Variants in CDH8 observed in about 807,000 individuals in gnomAD.
CDH8 encodes the protein cadherin-8.
In CDH8, 17 loss-of-function variants were observed where a neutral mutation model predicts 68.1. That is an observed-to-expected ratio of 0.25 (90% CI 0.17 to 0.37). CDH8 has a LOEUF of 0.37. CDH8 is among the 10% of genes least tolerant of loss of function. The pLI, the probability that CDH8 is intolerant of heterozygous loss-of-function variation, is 1.00. For synonymous variants in CDH8, 372 were observed against 365.1 expected, an observed-to-expected ratio of 1.02 and a Z score of -0.21; for missense variants, 763 against 999.3, an observed-to-expected ratio of 0.76 and a Z score of 3.19.
intron 7 of CDH8, among the ~76,000 whole-genome samples, chr16:61,813,653 C>T (rs1478586397): frequency 6.6e-6 from 1 of 152,120 alleles, no homozygotes; most frequent in Non-Finnish European, 1.5e-5. Flanking sequence ...AGCCTGTTAG[C>T]ATGACTCTTA....
At chr16:61,779,425 A>ATGTGTG (rs10539934) in intron 8 of CDH8, among the ~76,000 whole-genome samples, 44,343 of 138,674 alleles carry the variant, frequency 0.32, 7,443 homozygotes, top group Non-Finnish European at 0.38. Flanking sequence ...ATGTTCGTTT[A>ATGTGTG]TGTGTGTGTG....
chr16:62,005,420 G>A (rs1965958520), intron 2 of CDH8, among the ~76,000 whole-genome samples: 1 of 152,112 alleles, frequency 6.6e-6, no homozygotes, highest in African/African-American at 2.4e-5. Flanking sequence ...GGCAGTACAG[G>A]CTTTTGAAAA....
chr16:61,854,964 A>T (rs1963013930), intron 4 of CDH8, among the ~76,000 whole-genome samples: 1 of 152,160 alleles, frequency 6.6e-6, no homozygotes, highest in South Asian at 2.1e-4. Context: ...ATACATATTT[A>T]TGTTTCATCT....
intron 8 of CDH8, among the ~76,000 whole-genome samples, chr16:61,748,840 C>T (rs753264575): frequency 1.3e-5 from 2 of 152,048 alleles, no homozygotes; most frequent in Non-Finnish European, 2.9e-5. Context: ...TGCAGGGAAA[C>T]TTTATCTACT....
At position 61,652,849 on chromosome 16, in the gene CDH8, T is replaced by C. The variant is rs1440399781; in HGVS notation, c.*759A>G. Reference sequence around the variant, plus strand: ...GTCCACTGTGTGATACAGTTTATCTTTGTGTCCTTGTGGAAGAAGATGAAG... The same window carrying C: ...GTCCACTGTGTGATACAGTTTATCTCTGTGTCCTTGTGGAAGAAGATGAAG... On this transcript the variant is annotated 3_prime_UTR_variant, in exon 12 of 12. Transcript: ENST00000577390. 8 of 1,523,406 alleles carry C rather than the reference T, an allele frequency of 5.3e-6. No individual in the cohort carries two copies. The highest frequency in any genetic ancestry group is 7.0e-6 in the Non-Finnish European group (8 of 1,140,776). The allele number at this position is 1,523,406 out of a possible 1,614,324, so 94.4% of individuals were successfully genotyped here. A position where few individuals can be genotyped will look rare whatever the true frequency, so the allele number is the denominator to read the frequency against.
At chr16:61,789,310 C>G in intron 8 of CDH8, 36 bp downstream of exon 8, 3 of 1,589,412 alleles carry the variant, frequency 1.9e-6, no homozygotes, top group Non-Finnish European at 2.6e-6. Flanking sequence ...TGAACTCAGT[C>G]ACACAAGGAA....
At chr16:61,778,781 G>A (rs915283000) in intron 8 of CDH8, among the ~76,000 whole-genome samples, 1 of 152,098 alleles carries the variant, frequency 6.6e-6, no homozygotes, top group Non-Finnish European at 1.5e-5. Context: ...CCAAAATGTG[G>A]CAAGGACTCC....
chr16:61,808,588 A>G (rs1410846038), intron 7 of CDH8, among the ~76,000 whole-genome samples: 1 of 152,214 alleles, frequency 6.6e-6, no homozygotes, highest in Non-Finnish European at 1.5e-5. Flanking sequence ...GATGGCAATA[A>G]CAATTCTCAT....
chr16:61,976,567 GTT>G (rs1266508006), intron 2 of CDH8, among the ~76,000 whole-genome samples: 1 of 152,126 alleles, frequency 6.6e-6, no homozygotes, highest in African/African-American at 2.4e-5. Flanking sequence ...CTCTATGCTA[GTT>G]TTTAACAGAC....
intron 10 of CDH8, among the ~76,000 whole-genome samples, chr16:61,698,606 C>T (rs909828719): frequency 2.0e-5 from 3 of 152,154 alleles, no homozygotes; most frequent in African/African-American, 7.2e-5. Flanking sequence ...AGACTCATTG[C>T]AATATGAGTG....
chr16:61,888,068 C>G (rs1166284691), intron 3 of CDH8, among the ~76,000 whole-genome samples: 2 of 152,132 alleles, frequency 1.3e-5, no homozygotes, highest in African/African-American at 4.8e-5. Context: ...GAAGTGAGAG[C>G]AAGACATCAG....
intron 1 of CDH8, among the ~76,000 whole-genome samples, chr16:62,025,989 T>G (rs550545570): frequency 6.6e-6 from 1 of 152,252 alleles, no homozygotes; most frequent in African/African-American, 2.4e-5. Context: ...AACCAGACAC[T>G]GTTAAAAGCC....
chr16:61,783,115 G>T (rs1364042441), intron 8 of CDH8, among the ~76,000 whole-genome samples: 2 of 146,798 alleles, frequency 1.4e-5, no homozygotes, highest in African/African-American at 5.1e-5. Context: ...GAGAGAAGAA[G>T]GCTTCAGACG....
intron 8 of CDH8, among the ~76,000 whole-genome samples, chr16:61,751,481 A>C (rs2142948608): frequency 6.6e-6 from 1 of 151,974 alleles, no homozygotes; most frequent in East Asian, 1.9e-4. Context: ...AAAGGAAAGA[A>C]GACACATCCT....
intron 2 of CDH8, among the ~76,000 whole-genome samples, chr16:62,006,984 C>T (rs186110431): frequency 2.7e-3 from 411 of 151,802 alleles, no homozygotes; most frequent in African/African-American, 9.1e-3. Flanking sequence ...CTTGGCTCAC[C>T]GCAACCTCCA....
At chr16:61,837,783 T>C (rs570612224) in intron 4 of CDH8, among the ~76,000 whole-genome samples, 1 of 152,168 alleles carries the variant, frequency 6.6e-6, no homozygotes, top group East Asian at 1.9e-4. Context: ...ACATTTTAAC[T>C]ACACTTAGCC....
At chr16:61,940,555 A>C (rs1448947384) in intron 2 of CDH8, 1 of 152,330 alleles carries the variant, frequency 6.6e-6, no homozygotes, top group Non-Finnish European at 1.5e-5. Context: ...GGCGTGCGCC[A>C]CCATGCCCAG....
At chr16:61,756,547 T>C (rs1377087141) in intron 8 of CDH8, among the ~76,000 whole-genome samples, 2 of 152,124 alleles carry the variant, frequency 1.3e-5, no homozygotes, top group African/African-American at 4.8e-5. Flanking sequence ...AAATTGTAAT[T>C]ACATACATAA....
At chr16:61,901,631 A>G (rs1275599831) in intron 2 of CDH8, among the ~76,000 whole-genome samples, 158 bp from the exon 3 acceptor site, 2 of 152,242 alleles carry the variant, frequency 1.3e-5, no homozygotes, top group African/African-American at 4.8e-5. Flanking sequence ...GCGGATATCA[A>G]TTAAGAATAA....
Sources: allele counts gnomAD v4.1 joint callset (sites outside exome capture counted in the v4.1 genomes callset), GRCh38; gene constraint gnomAD v4.1.1; transcripts MANE v1.5; gene names NCBI Gene and HGNC (gene_info 2026-07-23, HGNC 2026-07-21).